The following DNAH12 variants were observed in gnomAD, a reference collection of about 807,000 sequenced individuals.
DNAH12 encodes the protein dynein axonemal heavy chain 12.
Under a neutral mutation model 371.5 loss-of-function variants are expected in DNAH12, and 285 were observed. The ratio of observed to expected loss-of-function variants is 0.77; its 90% confidence interval spans 0.70 to 0.85. The LOEUF (loss-of-function observed/expected upper bound fraction) is 0.85. DNAH12 is among the 40% of genes least tolerant of loss of function. DNAH12 has a pLI of 0.00. For synonymous variants in DNAH12, 1,200 were observed against 1,213.0 expected, an observed-to-expected ratio of 0.99 and a Z score of 0.22; for missense variants, 3,611 against 3,689.4, an observed-to-expected ratio of 0.98 and a Z score of 0.55.
intron 66 of DNAH12, among the ~76,000 whole-genome samples, chr3:57,312,284 G>C (rs538887337): frequency 6.6e-6 from 1 of 152,258 alleles, no homozygotes; most frequent in South Asian, 2.1e-4. Context: ...TGAATTATTT[G>C]CAAAAAGAGT....
At chr3:57,448,464 G>C (rs1021884850) in intron 25 of DNAH12, among the ~76,000 whole-genome samples, 4 of 152,160 alleles carry the variant, frequency 2.6e-5, no homozygotes, top group Admixed American at 6.5e-5. Context: ...GTTCCTCCCA[G>C]GGGGGCTCGT....
At chr3:57,463,436 G>A (rs2066112498) in intron 17 of DNAH12, among the ~76,000 whole-genome samples, 1 of 152,086 alleles carries the variant, frequency 6.6e-6, no homozygotes, top group African/African-American at 2.4e-5. Flanking sequence ...TCTCTGCTGA[G>A]TGACGCCTGC....
intron 5 of DNAH12, 98 bp downstream of exon 5, chr3:57,510,692 G>A: frequency 9.9e-7 from 1 of 1,005,268 alleles, no homozygotes; most frequent in Non-Finnish European, 1.5e-6. Flanking sequence ...TAAATACATA[G>A]TGTTCATTAC....
At position 57,293,887 on chromosome 3, in the gene DNAH12, G is replaced by C; in HGVS notation, c.11777C>G (p.Thr3926Arg). Residue 3926 changes from threonine to arginine, a missense_variant, in exon 74 of 74, where the codon ACG (threonine) becomes AGG (arginine). Coordinates refer to ENST00000495027, the MANE Select transcript of DNAH12 (RefSeq NM_001366028.2). ...AATGACAAAGTTAGTAGAATGTCCC[G>C]TAGTGGAAAGAGTTCCTTTACGTTC... ...TSERKGTLSTTGHSTNFVIAM... is the reference protein window; with the variant it reads ...TSERKGTLSTRGHSTNFVIAM... The C allele has an allele frequency of 6.5e-7, 1 of 1,546,196 alleles. No individual in the cohort carries two copies. The highest frequency in any genetic ancestry group is 8.7e-7 in the Non-Finnish European group (1 of 1,144,630).
chr3:57,402,497 G>T, intron 43 of DNAH12: 1 of 1,193,102 alleles, frequency 8.4e-7, no homozygotes, highest in Non-Finnish European at 1.1e-6. Context: ...CAGGTTCATG[G>T]TTAAATCTGC....
At chr3:57,447,600 CTTTAT>C (rs768979391) in intron 25 of DNAH12, among the ~76,000 whole-genome samples, 9 of 149,474 alleles carry the variant, frequency 6.0e-5, no homozygotes, top group Non-Finnish European at 7.5e-5. Flanking sequence ...AATATTTTTA[CTTTAT>C]TTTTACTTTA....
chr3:57,464,801 AT>A (rs1239734338), intron 17 of DNAH12, among the ~76,000 whole-genome samples: 53 of 152,356 alleles, frequency 3.5e-4, no homozygotes, highest in Non-Finnish European at 8.8e-5. Flanking sequence ...AGCACTATAG[AT>A]TCTACAGACA....
At chr3:57,323,381 CTAACTGATTTAT>C in intron 63 of DNAH12, 76 bp downstream of exon 63, 1 of 1,470,014 alleles carries the variant, frequency 6.8e-7, no homozygotes, top group Non-Finnish European at 9.0e-7. Flanking sequence ...ATCAGATTTA[CTAACTGATTTAT>C]AATCATATAA....
intron 39 of DNAH12, among the ~76,000 whole-genome samples, chr3:57,410,844 C>T (rs9852085): frequency 0.56 from 85,248 of 151,008 alleles, 25,436 homozygotes; most frequent in African/African-American, 0.77. Flanking sequence ...CAAAAACGTC[C>T]TAGTAAACTA....
intron 4 of DNAH12, among the ~76,000 whole-genome samples, chr3:57,518,070 A>T (rs1256003756): frequency 7.1e-6 from 1 of 140,604 alleles, no homozygotes; most frequent in Non-Finnish European, 1.5e-5. Context: ...CAGAAAACAT[A>T]AAAAAAAAAA....
At chr3:57,411,729 C>CA (rs1276888425) in intron 39 of DNAH12, among the ~76,000 whole-genome samples, 3 of 151,890 alleles carry the variant, frequency 2.0e-5, no homozygotes, top group Non-Finnish European at 4.4e-5. Context: ...GATAGGAAAA[C>CA]AATATTATGA....
At chr3:57,439,119 G>A (rs1260823609) in intron 29 of DNAH12, among the ~76,000 whole-genome samples, 1 of 152,016 alleles carries the variant, frequency 6.6e-6, no homozygotes, top group Non-Finnish European at 1.5e-5. Flanking sequence ...TTGTTAAAAT[G>A]GCCATGCTGC....
Position 57,352,174 on chromosome 3 carries a change from G to A in DNAH12, c.9585C>T (p.Phe3195=), listed in dbSNP as rs2062691830. 1.3e-5 allele frequency: 20 copies of A among 1,542,718 alleles called. No homozygotes were observed. The highest frequency in any genetic ancestry group is 1.7e-5 in the Non-Finnish European group (20 of 1,144,800). ...EKRLRYLNDH[F]TYNLYCNICR... ...ATATATTACAATATAAGTTGTATGT[G>A]AAGTGGTCATTTAAATATCGTAGGC... The change falls in exon 60 of 74, where the codon TTC becomes TTT. Residue 3195 remains phenylalanine, a synonymous_variant. Coordinates refer to ENST00000495027, the MANE Select transcript of DNAH12 (RefSeq NM_001366028.2).
chr3:57,333,645 A>G (rs752050105), intron 62 of DNAH12, among the ~76,000 whole-genome samples: 1 of 152,128 alleles, frequency 6.6e-6, no homozygotes, highest in Non-Finnish European at 1.5e-5. Flanking sequence ...TACTCTTTTT[A>G]AAAATATAAA....
intron 12 of DNAH12, among the ~76,000 whole-genome samples, chr3:57,486,776 T>C (rs763504659): frequency 3.9e-5 from 6 of 152,024 alleles, no homozygotes; most frequent in Non-Finnish European, 7.4e-5. Flanking sequence ...GCTATAATTG[T>C]GCTACTGCAC....
At chr3:57,547,322 TAA>T (rs35445077), upstream of DNAH12, among the ~76,000 whole-genome samples, 1 of 151,532 alleles carries the variant, frequency 6.6e-6, no homozygotes, top group Non-Finnish European at 1.5e-5. Flanking sequence ...TTTTTTACTT[TAA>T]AAAAAAATTT....
chr3:57,513,708 T>A (rs968686274), intron 4 of DNAH12, among the ~76,000 whole-genome samples: 4 of 152,152 alleles, frequency 2.6e-5, no homozygotes, highest in Non-Finnish European at 5.9e-5. Context: ...AAACGTATAA[T>A]CTTATTCATA....
At chr3:57,342,161 T>C (rs1423268256) in intron 60 of DNAH12, among the ~76,000 whole-genome samples, 1 of 152,060 alleles carries the variant, frequency 6.6e-6, no homozygotes, top group Admixed American at 6.6e-5. Context: ...GCTATAAAAC[T>C]ACTAGAAGAA....
At chr3:57,485,798 T>A (rs369736508) in intron 12 of DNAH12, among the ~76,000 whole-genome samples, 29 of 151,790 alleles carry the variant, frequency 1.9e-4, no homozygotes, top group African/African-American at 6.8e-4. Flanking sequence ...TGCAAAAGAG[T>A]AATATAATGG....
Sources: gnomAD v4.1 joint callset for allele counts (sites outside exome capture counted in the v4.1 genomes callset) on GRCh38, gnomAD v4.1.1 for gene constraint, MANE v1.5 for transcripts, NCBI Gene and HGNC (gene_info 2026-07-23, HGNC 2026-07-21) for gene names.